The following PARVA variants were observed in gnomAD, a reference collection of about 807,000 sequenced individuals.
The protein encoded by PARVA is alpha-parvin.
Under a neutral mutation model 52.6 loss-of-function variants are expected in PARVA, and 25 were observed. That is an observed-to-expected ratio of 0.48 (90% CI 0.35 to 0.66). The LOEUF is 0.66. Among genes scored for constraint, PARVA ranks in the 30% least tolerant of loss-of-function variants. The pLI is 0.01. For missense variants in PARVA, 373 were observed against 450.9 expected, an observed-to-expected ratio of 0.83 and a Z score of 1.56; for synonymous variants, 185 against 179.1, an observed-to-expected ratio of 1.03 and a Z score of -0.26.
At chr11:12,527,240 C>T (rs936409743) in intron 12 of PARVA, among the ~76,000 whole-genome samples, 3 of 150,732 alleles carry the variant, frequency 2.0e-5, no homozygotes, top group Non-Finnish European at 4.4e-5. Flanking sequence ...TGGGAAGATC[C>T]GGGGGCACGG....
intron 1 of PARVA, among the ~76,000 whole-genome samples, chr11:12,393,707 A>G: frequency 6.6e-6 from 1 of 152,130 alleles, no homozygotes. Context: ...GGCCACACCT[A>G]AGTGCAAGAG....
chr11:12,518,637 G>T, intron 12 of PARVA, 120 bp downstream of exon 12: 1 of 746,132 alleles, frequency 1.3e-6, no homozygotes, highest in Non-Finnish European at 2.4e-6. Context: ...GGGAAGGTGG[G>T]ACTCGGTGCA....
intron 1 of PARVA, among the ~76,000 whole-genome samples, chr11:12,408,285 G>A (rs1369065192): frequency 6.6e-6 from 1 of 152,170 alleles, no homozygotes; most frequent in Non-Finnish European, 1.5e-5. Flanking sequence ...CATGTTTGGG[G>A]TTGGTTTTCC....
chr11:12,491,841 A>T (rs541653712), intron 4 of PARVA, among the ~76,000 whole-genome samples: 1 of 152,308 alleles, frequency 6.6e-6, no homozygotes, highest in African/African-American at 2.4e-5. Context: ...ATCAGCTCTA[A>T]CTAATCTGTA....
intron 1 of PARVA, among the ~76,000 whole-genome samples, chr11:12,414,465 G>A (rs529279256): frequency 3.3e-5 from 5 of 152,318 alleles, no homozygotes; most frequent in East Asian, 3.9e-4. Flanking sequence ...ATCTTTCAGC[G>A]CTGCTGGAGG....
At chr11:12,515,501 A>C (rs1941557146) in intron 10 of PARVA, among the ~76,000 whole-genome samples, 1 of 152,198 alleles carries the variant, frequency 6.6e-6, no homozygotes, top group South Asian at 2.1e-4. Context: ...GACAGGGGTC[A>C]CTGCCAAGCA....
chr11:12,411,962 C>G (rs895834392), intron 1 of PARVA, among the ~76,000 whole-genome samples: 4 of 152,166 alleles, frequency 2.6e-5, no homozygotes, highest in Admixed American at 1.3e-4. Context: ...TGAGGCATAT[C>G]GACTCATCCC....
chr11:12,390,752 G>A (rs1939647388), intron 1 of PARVA, among the ~76,000 whole-genome samples: 1 of 152,160 alleles, frequency 6.6e-6, no homozygotes, highest in African/African-American at 2.4e-5. Flanking sequence ...ATGAGGCTGA[G>A]CTCTCCCTGG....
intron 1 of PARVA, among the ~76,000 whole-genome samples, chr11:12,418,127 G>C (rs191884490): frequency 7.5e-4 from 113 of 151,070 alleles, no homozygotes; most frequent in African/African-American, 2.6e-3. Context: ...CCGAATTCCT[G>C]CCACATTTCA....
intron 1 of PARVA, among the ~76,000 whole-genome samples, chr11:12,392,409 C>G (rs1402134661): frequency 1.3e-5 from 2 of 151,952 alleles, no homozygotes; most frequent in Non-Finnish European, 2.9e-5. Context: ...GCTGGGATTA[C>G]AGGCACCTGC....
chr11:12,460,594 C>T (rs1417113952), intron 1 of PARVA, among the ~76,000 whole-genome samples: 3 of 152,120 alleles, frequency 2.0e-5, no homozygotes, highest in Non-Finnish European at 4.4e-5. Context: ...ACCAGCAAAT[C>T]GATCCAACCA....
chr11:12,432,142 T>C (rs1162840535), intron 1 of PARVA, among the ~76,000 whole-genome samples: 2 of 152,250 alleles, frequency 1.3e-5, no homozygotes, highest in African/African-American at 4.8e-5. Context: ...GTTGGGAAAT[T>C]ACTACTATAG....
intron 1 of PARVA, among the ~76,000 whole-genome samples, chr11:12,403,176 T>C (rs1001121331): frequency 1.3e-5 from 2 of 152,240 alleles, no homozygotes; most frequent in African/African-American, 4.8e-5. Context: ...GTGAAACCCC[T>C]ACTGTACTCT....
Position 12,504,438 on chromosome 11 carries a change from G to C in PARVA, c.657+9G>C. On this transcript the variant is annotated intron_variant, in intron 6 of 12. Transcript: ENST00000334956. ...AAGTGGTTGTGGTCCAGGTAAGACA[G>C]GTAACACTACAAACATCTGTGTCTT... 6.5e-7 allele frequency: 1 copy of C among 1,528,314 alleles called. No homozygotes were observed. The highest frequency in any genetic ancestry group is 9.1e-7 in the Non-Finnish European group (1 of 1,101,980). The allele number at this position is 1,528,314 out of a possible 1,614,324, so 94.7% of individuals were successfully genotyped here. A position where few individuals can be genotyped will look rare whatever the true frequency, so the allele number is the denominator to read the frequency against.
chr11:12,483,305 G>A (rs1406459139), intron 4 of PARVA, among the ~76,000 whole-genome samples: 1 of 152,226 alleles, frequency 6.6e-6, no homozygotes, highest in African/African-American at 2.4e-5. Context: ...GCCAAGACAA[G>A]GATGTGGGTG....
At chr11:12,505,806 A>C (rs930069660) in intron 6 of PARVA, among the ~76,000 whole-genome samples, 1 of 151,526 alleles carries the variant, frequency 6.6e-6, no homozygotes, top group Non-Finnish European at 1.5e-5. Flanking sequence ...TTACCAATCA[A>C]TGATGTGTGA....
intron 3 of PARVA, among the ~76,000 whole-genome samples, chr11:12,475,253 C>T (rs1940995053): frequency 1.3e-5 from 2 of 152,210 alleles, no homozygotes; most frequent in South Asian, 2.1e-4. Flanking sequence ...GCCTCTCATG[C>T]CCCTCATCTG....
At chr11:12,384,073 G>A (rs978419165) in intron 1 of PARVA, among the ~76,000 whole-genome samples, 1 of 152,092 alleles carries the variant, frequency 6.6e-6, no homozygotes, top group African/African-American at 2.4e-5. Flanking sequence ...CCCTTCCAAG[G>A]AGGTCCCTTC....
At chr11:12,398,841 T>C (rs937776573) in intron 1 of PARVA, among the ~76,000 whole-genome samples, 3 of 152,156 alleles carry the variant, frequency 2.0e-5, no homozygotes, top group Admixed American at 6.5e-5. Flanking sequence ...AAATAAGACA[T>C]TGGAAGATAT....
Sources: gnomAD v4.1 joint callset for allele counts (sites outside exome capture counted in the v4.1 genomes callset) on GRCh38, gnomAD v4.1.1 for gene constraint, MANE v1.5 for transcripts, NCBI Gene and HGNC (gene_info 2026-07-23, HGNC 2026-07-21) for gene names.